Variants in GNG7 observed in about 807,000 individuals in gnomAD.
GNG7 encodes the protein G protein subunit gamma 7, also known as guanine nucleotide-binding protein G(I)/G(S)/G(O) subunit gamma-7.
In GNG7, 1 loss-of-function variant was observed where a neutral mutation model predicts 4.0. That is an observed-to-expected ratio of 0.25 (90% confidence interval 0.09 to 1.18). The LOEUF (loss-of-function observed/expected upper bound fraction) is 1.18, where lower values mean the gene tolerates loss of function less well. Ranked by LOEUF, GNG7 falls within the 50% of genes most tolerant of loss-of-function variation. The probability of loss-of-function intolerance (pLI) is 0.50; values close to 1 mark genes in which losing one functional copy is unlikely to be tolerated. For synonymous variants in GNG7, 34 were observed against 36.9 expected, an observed-to-expected ratio of 0.92 and a Z score of 0.29; for missense variants, 86 against 91.9, an observed-to-expected ratio of 0.94 and a Z score of 0.26.
intron 2 of GNG7, among the ~76,000 whole-genome samples, chr19:2,592,243 A>G (rs1026961036): frequency 6.6e-6 from 1 of 152,188 alleles, no homozygotes; most frequent in African/African-American, 2.4e-5. Context: ...AACTAAAAAG[A>G]ATGAAGCTCA....
At chr19:2,694,417 G>T (rs759030381) in intron 1 of GNG7, among the ~76,000 whole-genome samples, 4 of 152,086 alleles carry the variant, frequency 2.6e-5, no homozygotes, top group Non-Finnish European at 4.4e-5. Flanking sequence ...AGATGCTCCT[G>T]GCGTGGAGTG....
At chr19:2,650,552 C>G (rs988038613) in intron 1 of GNG7, among the ~76,000 whole-genome samples, 2 of 152,196 alleles carry the variant, frequency 1.3e-5, no homozygotes, top group African/African-American at 4.8e-5. Flanking sequence ...TGTCCCCAGC[C>G]CTTTAACCCC....
chr19:2,655,699 C>T (rs954532785), intron 1 of GNG7, among the ~76,000 whole-genome samples: 2 of 151,640 alleles, frequency 1.3e-5, no homozygotes, highest in Admixed American at 6.6e-5. Flanking sequence ...ATTAGCCGGG[C>T]GTGGTGGCGG....
intron 1 of GNG7, among the ~76,000 whole-genome samples, chr19:2,689,622 CAAAAAAAAAAAAA>C (rs58020172): frequency 2.6e-5 from 1 of 37,952 alleles, no homozygotes; most frequent in Non-Finnish European, 5.1e-5. Context: ...GACTCCAACT[CAAAAAAAAAAAAA>C]AAAAAAAAAA....
chr19:2,650,696 C>T (rs1295219637), intron 1 of GNG7, among the ~76,000 whole-genome samples: 2 of 152,226 alleles, frequency 1.3e-5, no homozygotes, highest in African/African-American at 4.8e-5. Context: ...ATCCCAGCCG[C>T]TCTGTCCTCG....
chr19:2,685,768 C>G (rs936786995), intron 1 of GNG7, among the ~76,000 whole-genome samples: 1 of 152,170 alleles, frequency 6.6e-6, no homozygotes, highest in Non-Finnish European at 1.5e-5. Context: ...CGTGACCGCC[C>G]GGTGTCCTCC....
intron 1 of GNG7, among the ~76,000 whole-genome samples, chr19:2,664,086 GC>G (rs1382315125): frequency 3.9e-5 from 6 of 152,284 alleles, no homozygotes; most frequent in Middle Eastern, 3.4e-3. Flanking sequence ...TTGATGACAG[GC>G]CTATCCTCCA....
At position 2,590,660 on chromosome 19, in the gene GNG7, C is replaced by G. The variant is rs963039965; in HGVS notation, c.-77-35472G>C. Among the ~76,000 whole-genome samples, 10 of 119,684 alleles carry G rather than the reference C, an allele frequency of 8.4e-5. No individual in the cohort carries two copies. In the Admixed American group the frequency reaches 1.0e-3, roughly 12 times the overall value. The allele number at this position is 119,684 out of a possible 152,430, so 78.5% of individuals were successfully genotyped here. On this transcript the variant is annotated intron_variant, in intron 2 of 4. Coordinates refer to ENST00000382159, the MANE Select transcript of GNG7 (RefSeq NM_052847.3). Reference sequence around the variant, plus strand: ...ATCCGTCCACCCACCTATCCATTCACCCATTCATTCATCCATCCACCCATC... The same window carrying G: ...ATCCGTCCACCCACCTATCCATTCAGCCATTCATTCATCCATCCACCCATC...
chr19:2,527,205 G>A (rs1200039160), intron 3 of GNG7, among the ~76,000 whole-genome samples: 5 of 152,114 alleles, frequency 3.3e-5, no homozygotes, highest in African/African-American at 1.2e-4. Context: ...ATAGTCCAGG[G>A]AGCCCCACGC....
At chr19:2,517,494 G>T (rs1373626267) in intron 4 of GNG7, among the ~76,000 whole-genome samples, 1 of 151,974 alleles carries the variant, frequency 6.6e-6, no homozygotes, top group African/African-American at 2.4e-5. Context: ...CCTCCCAAGT[G>T]GCTGGGACTC....
chr19:2,629,547 C>A (rs1479012951), intron 2 of GNG7, among the ~76,000 whole-genome samples: 1 of 152,198 alleles, frequency 6.6e-6, no homozygotes. Flanking sequence ...GCCACCCCCT[C>A]CCCACGACAA....
rs952956273 is a variant in GNG7, at chr19:2,609,318, C to T, written c.-78+36906G>A. 4.6e-5 allele frequency among the ~76,000 whole-genome samples: 7 copies of T among 152,168 alleles called. No homozygotes were observed. The highest frequency in any genetic ancestry group is 1.4e-4 in the African/African-American group (6 of 41,432). ...GGGACTACAGGCACGTACCACCCCA[C>T]CCAGCTAATTTTTGTTTTACACTAA... On this transcript the variant is annotated intron_variant, in intron 2 of 4. Transcript: ENST00000382159. The surrounding 1 kb of genome is among the most constrained non-coding windows in gnomAD (Gnocchi z 4.4).
chr19:2,567,122 A>C (rs1270015831), intron 2 of GNG7, among the ~76,000 whole-genome samples: 32 of 49,426 alleles, frequency 6.5e-4, no homozygotes, highest in African/African-American at 1.2e-3. Context: ...AAAAAAAAAA[A>C]CAAAAAAAAC....
At chr19:2,668,209 GAA>G (rs1983358762) in intron 1 of GNG7, among the ~76,000 whole-genome samples, 1 of 133,106 alleles carries the variant, frequency 7.5e-6, no homozygotes, top group Admixed American at 7.8e-5. Flanking sequence ...ATTCTAAAAT[GAA>G]AAGTTTATCA....
At chr19:2,603,146 A>C (rs1253508604) in intron 2 of GNG7, among the ~76,000 whole-genome samples, 1 of 151,632 alleles carries the variant, frequency 6.6e-6, no homozygotes, top group Non-Finnish European at 1.5e-5. Context: ...GCCTCACTGA[A>C]ACCTCCGCCT....
chr19:2,537,765 G>C (rs1267688153), intron 3 of GNG7, among the ~76,000 whole-genome samples: 1 of 151,768 alleles, frequency 6.6e-6, no homozygotes, highest in Admixed American at 6.6e-5. Flanking sequence ...CTGCAGGGCT[G>C]ACAAGAAATT....
chr19:2,659,081 T>C (rs1380017790), intron 1 of GNG7, among the ~76,000 whole-genome samples: 1 of 151,766 alleles, frequency 6.6e-6, no homozygotes, highest in Non-Finnish European at 1.5e-5. Flanking sequence ...GCCATTCTCC[T>C]GCCTCAGCCT....
intron 1 of GNG7, among the ~76,000 whole-genome samples, chr19:2,701,655 A>C (rs1913403803): frequency 7.3e-6 from 1 of 137,580 alleles, no homozygotes; most frequent in Non-Finnish European, 1.5e-5. Context: ...CTCAACATCT[A>C]ATTCCCTCTG....
At chr19:2,594,134 G>A (rs928865681) in intron 2 of GNG7, among the ~76,000 whole-genome samples, 1 of 152,072 alleles carries the variant, frequency 6.6e-6, no homozygotes, top group African/African-American at 2.4e-5. Context: ...GCTTTGGGAG[G>A]CCAAGACGGG....
Sources: allele counts gnomAD v4.1 joint callset (sites outside exome capture counted in the v4.1 genomes callset), GRCh38; gene constraint gnomAD v4.1.1; non-coding constraint Gnocchi (gnomAD v3.1); transcripts MANE v1.5; gene names NCBI Gene and HGNC (gene_info 2026-07-23, HGNC 2026-07-21).